Variants in RNF125 observed in about 807,000 individuals in gnomAD.
RNF125 encodes the protein ring finger protein 125.
A neutral mutation model predicts 26.0 loss-of-function variants in RNF125; 21 were observed. That is an observed-to-expected ratio of 0.81 (90% confidence interval 0.57 to 1.16). The LOEUF is 1.16. Ranked by LOEUF, RNF125 falls within the 50% of genes most tolerant of loss-of-function variation. The probability of loss-of-function intolerance (pLI) is 0.00; values close to 1 mark genes in which losing one functional copy is unlikely to be tolerated. For missense variants in RNF125, 270 were observed against 299.4 expected, an observed-to-expected ratio of 0.90 and a Z score of 0.72; for synonymous variants, 95 against 109.2, an observed-to-expected ratio of 0.87 and a Z score of 0.81.
intron 4 of RNF125, among the ~76,000 whole-genome samples, chr18:32,065,472 G>A (rs1001272108): frequency 6.6e-5 from 10 of 151,766 alleles, no homozygotes; most frequent in Admixed American, 2.6e-4. Flanking sequence ...TCCTGACCTC[G>A]TGATCCACCC....
intron 4 of RNF125, among the ~76,000 whole-genome samples, chr18:32,062,730 A>T (rs978803281): frequency 2.6e-5 from 4 of 152,212 alleles, no homozygotes; most frequent in African/African-American, 7.2e-5. Flanking sequence ...AGCGACATTG[A>T]TTCCAGATCT....
In RNF125 at chr18:32,069,251, T is replaced by C. The variant is rs893577913; in HGVS notation, c.*867T>C. The C allele has an allele frequency of 2.6e-5, 4 of 151,654 alleles. No individual in the cohort carries two copies. Among genetic ancestry groups the C allele is most frequent in the African/African-American group, 7.3e-5 (3 of 41,284 alleles). 9.4% of individuals were successfully genotyped at this position (151,654 alleles called of 1,614,324 possible). On this transcript the variant is annotated 3_prime_UTR_variant, in exon 6 of 6. Transcript: ENST00000217740. Reference sequence around the variant, plus strand: ...TTAACCAAATTGTCTTACATAATACTGTAACAAAACAAATTTTGTGTTAGA... The same window carrying C: ...TTAACCAAATTGTCTTACATAATACCGTAACAAAACAAATTTTGTGTTAGA...
At chr18:32,026,316 T>C (rs2039035596) in intron 1 of RNF125, among the ~76,000 whole-genome samples, 1 of 144,300 alleles carries the variant, frequency 6.9e-6, no homozygotes, top group Non-Finnish European at 1.5e-5. Context: ...TGGCCCGATC[T>C]GGGCTCACTG....
chr18:32,050,952 A>C (rs1179130927), intron 4 of RNF125, among the ~76,000 whole-genome samples: 2 of 123,290 alleles, frequency 1.6e-5, no homozygotes, highest in African/African-American at 6.2e-5. Flanking sequence ...CGAACTTGTG[A>C]GCTCAAGCGA....
chr18:32,038,092 A>G lies in RNF125; in HGVS notation c.318+823A>G, dbSNP rs184184104. Among the ~76,000 whole-genome samples the G allele has an allele frequency of 5.9e-3, 733 of 124,692 alleles. 2 individuals are homozygous for G. Among genetic ancestry groups the G allele is most frequent in the Middle Eastern group, 0.013 (2 of 156 alleles). The allele number at this position is 124,692 out of a possible 152,430, so 81.8% of individuals were successfully genotyped here. A position where few individuals can be genotyped will look rare whatever the true frequency, so the allele number is the denominator to read the frequency against. On this transcript the variant is annotated intron_variant, in intron 2 of 5. Transcript: ENST00000217740. The stretch of plus-strand genomic sequence containing the variant: ...GAGACAGAGTCTTGCTCTGTCGCCC[A>G]GGCTGCAGTGTAGTGGCGCCATCTC...
rs182323588 is a variant in RNF125 at position 32,039,533 on chromosome 18, G to A, written c.318+2264G>A. ...ACACAGTGTCTGGAATATAGTAAAT[G>A]CTCAAAATTAATAGCTTTTTACATT... On this transcript the variant is annotated intron_variant, in intron 2 of 5. Coordinates refer to ENST00000217740, the MANE Select transcript of RNF125 (RefSeq NM_017831.4). Among the ~76,000 whole-genome samples, 4 of 152,230 alleles carry A rather than the reference G, an allele frequency of 2.6e-5. No individual in the cohort carries two copies. In the East Asian group the frequency reaches 7.7e-4, roughly 29 times the overall value.
At chr18:32,043,999 T>C (rs552607823) in intron 3 of RNF125, among the ~76,000 whole-genome samples, 37 of 151,412 alleles carry the variant, frequency 2.4e-4, no homozygotes, top group East Asian at 1.2e-3. Flanking sequence ...TGGGTTTTTT[T>C]TTTTCTTTTC....
intron 1 of RNF125, among the ~76,000 whole-genome samples, chr18:32,021,359 C>T (rs2038985310): frequency 6.6e-6 from 1 of 152,340 alleles, no homozygotes; most frequent in South Asian, 2.1e-4. Context: ...GGATTACAGG[C>T]GTGAGCCATG....
chr18:32,068,403 A>G lies in RNF125; in HGVS notation c.*19A>G, dbSNP rs750163347. The G allele has an allele frequency of 1.7e-5, 24 of 1,393,708 alleles. No homozygotes were observed. In the East Asian group the frequency reaches 4.8e-4, roughly 28 times the overall value. 86.3% of individuals were successfully genotyped at this position (1,393,708 alleles called of 1,614,324 possible). The stretch of plus-strand genomic sequence containing the variant: ...CACATAATTTTATTAAAACGAAGGG[A>G]AAAGGGACCACTGAATTGCACCATT... On this transcript the variant is annotated 3_prime_UTR_variant, in exon 6 of 6. Coordinates refer to ENST00000217740, the MANE Select transcript of RNF125 (RefSeq NM_017831.4).
intron 2 of RNF125, among the ~76,000 whole-genome samples, chr18:32,040,261 ATTTC>A (rs1226324446): frequency 1.5e-5 from 2 of 135,830 alleles, no homozygotes; most frequent in Non-Finnish European, 3.1e-5. Context: ...ATATCAAACA[ATTTC>A]TTTCTTTTTT....
intron 4 of RNF125, among the ~76,000 whole-genome samples, chr18:32,048,257 CAAAAAAA>C (rs56147477): frequency 8.5e-6 from 1 of 117,790 alleles, no homozygotes; most frequent in Admixed American, 9.3e-5. Flanking sequence ...ACTAAAAATA[CAAAAAAA>C]AAAAAAAAAA....
downstream of RNF125, among the ~76,000 whole-genome samples, chr18:32,075,387 G>A (rs892663644): frequency 1.3e-5 from 2 of 151,666 alleles, no homozygotes; most frequent in African/African-American, 4.8e-5. Context: ...ATGAAACCCC[G>A]TCTCTACTAA....
intron 1 of RNF125, among the ~76,000 whole-genome samples, chr18:32,036,626 A>G (rs1294906436): frequency 9.3e-5 from 3 of 32,390 alleles, no homozygotes; most frequent in Non-Finnish European, 1.1e-4. Context: ...GGGAGGGGAG[A>G]GGGGAGGGAG....
chr18:32,075,576 C>T (rs1370417518), downstream of RNF125, among the ~76,000 whole-genome samples: 1 of 151,334 alleles, frequency 6.6e-6, no homozygotes, highest in East Asian at 1.9e-4. Context: ...GCCTGTAATC[C>T]CAGCTACTCA....
At position 32,072,450 on chromosome 18, in the gene RNF125, G is replaced by A. The variant is rs910093136; in HGVS notation, c.*4066G>A. ...TTGAAAAAGTTAAAAATTGTATGTCGGATAAAGCTTTAAGTCATCTGTCAC... is the reference window on the plus strand; with the variant it reads ...TTGAAAAAGTTAAAAATTGTATGTCAGATAAAGCTTTAAGTCATCTGTCAC... On this transcript the variant is annotated 3_prime_UTR_variant, in exon 6 of 6. Coordinates refer to ENST00000217740, the MANE Select transcript of RNF125 (RefSeq NM_017831.4). 2 of 152,108 alleles carry A rather than the reference G, an allele frequency of 1.3e-5. No individual in the cohort carries two copies. Among genetic ancestry groups the A allele is most frequent in the East Asian group, 3.9e-4 (2 of 5,190 alleles). 9.4% of individuals were successfully genotyped at this position (152,108 alleles called of 1,614,324 possible). A position where few individuals can be genotyped will look rare whatever the true frequency, so the allele number is the denominator to read the frequency against.
chr18:32,019,227 AAT>A (rs2038961866), intron 1 of RNF125, among the ~76,000 whole-genome samples, 200 bp downstream of exon 1: 6 of 152,102 alleles, frequency 3.9e-5, no homozygotes. Flanking sequence ...GAGGAGAAAA[AAT>A]AAACAAGCGG....
At chr18:32,064,396 CTTTTT>C (rs775086863) in intron 4 of RNF125, among the ~76,000 whole-genome samples, 70 of 86,850 alleles carry the variant, frequency 8.1e-4, no homozygotes, top group African/African-American at 3.2e-3. Flanking sequence ...TTTTCTTTTT[CTTTTT>C]TTTTTTTTTT....
rs188527716 is a variant in RNF125, at chr18:32,058,616, G to A, written c.505-7286G>A. 5.0e-3 allele frequency among the ~76,000 whole-genome samples: 757 copies of A among 152,280 alleles called. 2 individuals are homozygous for A. Among genetic ancestry groups the A allele is most frequent in the Non-Finnish European group, 7.4e-3 (505 of 68,032 alleles). ...CCACCTTGGCCTCCCAAAGTGCTGG[G>A]ATTTCAGGCGTGAGCCCCTGTGCCT... On this transcript the variant is annotated intron_variant, in intron 4 of 5. Transcript: ENST00000217740.
intron 1 of RNF125, among the ~76,000 whole-genome samples, chr18:32,030,241 C>T (rs1339384417): frequency 1.3e-5 from 2 of 152,052 alleles, no homozygotes; most frequent in Non-Finnish European, 2.9e-5. Context: ...CAGGGTTTCA[C>T]CATGTTGGCC....
Sources: allele counts gnomAD v4.1 joint callset (sites outside exome capture counted in the v4.1 genomes callset), GRCh38; gene constraint gnomAD v4.1.1; transcripts MANE v1.5; gene names NCBI Gene and HGNC (gene_info 2026-07-23, HGNC 2026-07-21).